Variants in SOX6 observed in about 807,000 individuals in gnomAD.
SOX6 encodes the protein transcription factor SOX-6.
In SOX6, 11 loss-of-function variants were observed where a neutral mutation model predicts 97.8. The ratio of observed to expected loss-of-function variants is 0.11; its 90% CI spans 0.07 to 0.19. SOX6 has a LOEUF of 0.19. SOX6 is among the 10% of genes least tolerant of loss of function. The pLI, the probability that SOX6 is intolerant of heterozygous loss-of-function variation, is 1.00. For synonymous variants in SOX6, 360 were observed against 371.4 expected, an observed-to-expected ratio of 0.97 and a Z score of 0.35; for missense variants, 810 against 1,039.5, an observed-to-expected ratio of 0.78 and a Z score of 3.04.
chr11:16,347,759 C>G (rs1014166789), intron 1 of SOX6, among the ~76,000 whole-genome samples: 1 of 152,018 alleles, frequency 6.6e-6, no homozygotes, highest in African/African-American at 2.4e-5. Context: ...TCACTGTATA[C>G]TTTTCCATCC....
rs1853347319 is a variant in SOX6, at chr11:15,972,555, T to A, written c.*254A>T. 2 of 514,798 alleles carry A rather than the reference T, an allele frequency of 3.9e-6. No homozygotes were observed. Among genetic ancestry groups the A allele is most frequent in the Admixed American group, 3.5e-5 (1 of 28,810 alleles). The allele number at this position is 514,798 out of a possible 1,614,324, so 31.9% of individuals were successfully genotyped here. ...TCTACGGGTTGAGATAAGTTTCAAG[T>A]CCTGGTGTCTCATATTTAATATGTC... On this transcript the variant is annotated 3_prime_UTR_variant, in exon 16 of 16. Coordinates refer to ENST00000683767, the MANE Select transcript of SOX6 (RefSeq NM_001367873.1).
intron 6 of SOX6, among the ~76,000 whole-genome samples, chr11:16,148,291 T>A (rs889590139): frequency 5.3e-5 from 8 of 152,166 alleles, no homozygotes; most frequent in Non-Finnish European, 1.5e-5. Context: ...CTCTTCTTCC[T>A]GTATTTTCCA....
intron 13 of SOX6, among the ~76,000 whole-genome samples, chr11:16,014,404 C>T (rs1195620035): frequency 6.6e-6 from 1 of 152,034 alleles, no homozygotes; most frequent in Non-Finnish European, 1.5e-5. Context: ...GCTAAAACTG[C>T]TGCAAACTAT....
chr11:16,604,133 G>T (rs1848304630), intron 4 of SOX6, among the ~76,000 whole-genome samples: 1 of 152,252 alleles, frequency 6.6e-6, no homozygotes. Flanking sequence ...CCCTTGGCCG[G>T]TTCAGGGTTG....
intron 1 of SOX6, among the ~76,000 whole-genome samples, chr11:16,471,533 G>A (rs1375796615): frequency 6.6e-6 from 1 of 152,174 alleles, no homozygotes; most frequent in African/African-American, 2.4e-5. Context: ...TAGCAAATAA[G>A]CAGTTGTAGG....
At chr11:16,432,511 T>C (rs1859290777) in intron 1 of SOX6, among the ~76,000 whole-genome samples, 1 of 152,112 alleles carries the variant, frequency 6.6e-6, no homozygotes, top group Admixed American at 6.6e-5. Context: ...CGAATTATTT[T>C]AGATGTATCC....
At chr11:16,024,654 G>A (rs1055246927) in intron 12 of SOX6, among the ~76,000 whole-genome samples, 3 of 151,850 alleles carry the variant, frequency 2.0e-5, no homozygotes, top group Non-Finnish European at 1.5e-5. Flanking sequence ...ATAAACTCTA[G>A]GAATGCTGAT....
intron 3 of SOX6, among the ~76,000 whole-genome samples, chr11:16,244,271 T>C (rs937073781): frequency 6.6e-6 from 1 of 151,906 alleles, no homozygotes; most frequent in East Asian, 1.9e-4. Context: ...ACTAAGATAT[T>C]GAGCATATTT....
At chr11:16,326,113 T>C (rs1287532145) in intron 2 of SOX6, among the ~76,000 whole-genome samples, 2 of 152,212 alleles carry the variant, frequency 1.3e-5, no homozygotes, top group African/African-American at 2.4e-5. Context: ...AAGACATTAA[T>C]TACAACACAT....
intron 4 of SOX6, among the ~76,000 whole-genome samples, chr11:16,191,103 G>C (rs1851617809): frequency 6.6e-6 from 1 of 152,132 alleles, no homozygotes; most frequent in Non-Finnish European, 1.5e-5. Context: ...ATATAGTTAA[G>C]TTTTGTTAAG....
At chr11:16,197,476 C>T (rs1851814494) in intron 4 of SOX6, among the ~76,000 whole-genome samples, 1 of 152,118 alleles carries the variant, frequency 6.6e-6, no homozygotes, top group South Asian at 2.1e-4. Context: ...TAACACAGAT[C>T]CCACCTATCA....
chr11:16,337,148 C>G (rs1224772617), intron 2 of SOX6, among the ~76,000 whole-genome samples: 1 of 152,036 alleles, frequency 6.6e-6, no homozygotes, highest in Non-Finnish European at 1.5e-5. Context: ...GTACTATACA[C>G]TCAGGTATCC....
rs184883179 is a variant in SOX6 at position 16,639,722 on chromosome 11, T to C, written n.430-27462A>G. Among the ~76,000 whole-genome samples, 208 of 152,290 alleles carry C rather than the reference T, an allele frequency of 1.4e-3. 1 individual carries two copies. Among genetic ancestry groups the C allele is most frequent in the African/African-American group, 4.9e-3 (204 of 41,564 alleles). ...CATGATTTGGCTTTCTGTTTGTCTT[T>C]TATTGGTGTATGCTTATGATTTTTG... On this transcript the variant is annotated intron_variant and non_coding_transcript_variant, in intron 3 of 5. Transcript: ENST00000524520.
At chr11:16,704,641 CAAGTT>C (rs1848118353) in intron 3 of SOX6, among the ~76,000 whole-genome samples, 1 of 152,108 alleles carries the variant, frequency 6.6e-6, no homozygotes, top group African/African-American at 2.4e-5. Flanking sequence ...ACACAGGCAA[CAAGTT>C]AAGAAGGTGT....
intron 1 of SOX6, among the ~76,000 whole-genome samples, chr11:16,365,273 A>T (rs941502565): frequency 2.1e-5 from 3 of 145,990 alleles, no homozygotes; most frequent in Admixed American, 7.1e-5. Flanking sequence ...CCATCAGATA[A>T]ACAGGGAAGT....
chr11:16,684,295 G>A (rs1847951712), intron 3 of SOX6, among the ~76,000 whole-genome samples: 2 of 152,116 alleles, frequency 1.3e-5, no homozygotes, highest in Admixed American at 6.5e-5. Flanking sequence ...TGTATATTAT[G>A]GCACTAATCA....
intron 3 of SOX6, among the ~76,000 whole-genome samples, chr11:16,644,922 T>C (rs1395433533): frequency 6.6e-6 from 1 of 152,246 alleles, no homozygotes; most frequent in Non-Finnish European, 1.5e-5. Flanking sequence ...AGGAGTATAC[T>C]GTAGCTGAAT....
At chr11:16,567,553 A>ATTTTTTCT (rs1565182421) in intron 4 of SOX6, among the ~76,000 whole-genome samples, 30 of 107,064 alleles carry the variant, frequency 2.8e-4, no homozygotes, top group Middle Eastern at 5.8e-3. Flanking sequence ...GGTATGTCAT[A>ATTTTTTCT]TTTTTTTCTT....
intron 13 of SOX6, among the ~76,000 whole-genome samples, chr11:16,004,731 T>C (rs1041302987): frequency 2.0e-5 from 3 of 152,062 alleles, no homozygotes; most frequent in African/African-American, 7.2e-5. Context: ...AAAAAGCTAA[T>C]CCAACAAAGG....
Sources: gnomAD v4.1 joint callset for allele counts (sites outside exome capture counted in the v4.1 genomes callset) on GRCh38, gnomAD v4.1.1 for gene constraint, MANE v1.5 for transcripts, NCBI Gene and HGNC (gene_info 2026-07-23, HGNC 2026-07-21) for gene names.